Variants in RABGAP1L observed in about 807,000 individuals in gnomAD.
RABGAP1L encodes rab GTPase-activating protein 1-like.
In RABGAP1L, 63 loss-of-function variants were observed where a neutral mutation model predicts 137.7. The observed-to-expected ratio is 0.46, with a 90% CI of 0.37 to 0.56. The LOEUF (loss-of-function observed/expected upper bound fraction) is 0.56, where lower values mean the gene tolerates loss of function less well. RABGAP1L is among the 20% of genes least tolerant of loss of function. The pLI, the probability that RABGAP1L is intolerant of heterozygous loss-of-function variation, is 0.00. For synonymous variants in RABGAP1L, 431 were observed against 433.7 expected (o/e 0.99, Z 0.08); for missense variants, 1,095 against 1,244.0 (o/e 0.88, Z 1.80).
intron 13 of RABGAP1L, among the ~76,000 whole-genome samples, chr1:174,435,335 A>G (rs1653134591): frequency 6.6e-6 from 1 of 152,190 alleles, no homozygotes; most frequent in African/African-American, 2.4e-5. Context: ...TCTATCCTTA[A>G]GTTATGAAGA....
At chr1:174,700,802 G>C (rs1410525559) in intron 16 of RABGAP1L, 1 of 203,208 alleles carries the variant, frequency 4.9e-6, no homozygotes, top group African/African-American at 2.4e-5. Context: ...ATTCTACCAA[G>C]TAAATATTTG....
At position 174,509,198 on chromosome 1, in the gene RABGAP1L, C is replaced by G. The variant is rs571409414; in HGVS notation, c.1710+115053C>G. Among the ~76,000 whole-genome samples, 3 of 152,204 alleles carry G rather than the reference C, an allele frequency of 2.0e-5. No individual in the cohort carries two copies. The East Asian group carries it at 5.8e-4, about 29-fold the overall frequency. On this transcript the variant is annotated intron_variant, in intron 13 of 25. Transcript: ENST00000681986. Reference sequence around the variant, plus strand: ...TCATTTAAGTTCAATGCCGTACATTCAAATAAAATCTGTGTAATCAAACTA... The same window carrying G: ...TCATTTAAGTTCAATGCCGTACATTGAAATAAAATCTGTGTAATCAAACTA...
rs1655119000 is a variant in RABGAP1L at position 174,448,971 on chromosome 1, T to C, written c.1710+54826T>C. On this transcript the variant is annotated intron_variant, in intron 13 of 25. Coordinates refer to ENST00000681986, the MANE Select transcript of RABGAP1L (RefSeq NM_001366446.1). The surrounding 1 kb of genome is among the most constrained non-coding windows in gnomAD (Gnocchi z 4.2). The stretch of plus-strand genomic sequence containing the variant: ...CTCCCCTATATAATTTACTTTCTTC[T>C]AGAAAGCTCCCGGGTCTTGGACAAT... The C allele has an allele frequency of 6.2e-7, 1 of 1,613,686 alleles. No homozygotes were observed.
chr1:174,193,477 A>G (rs1410417259), intron 1 of RABGAP1L, among the ~76,000 whole-genome samples: 1 of 152,064 alleles, frequency 6.6e-6, no homozygotes, highest in Admixed American at 6.6e-5. Context: ...GGTTGCAGTG[A>G]GTCGAGATCT....
At chr1:174,421,668 G>T (rs1272396077) in intron 13 of RABGAP1L, among the ~76,000 whole-genome samples, 1 of 152,190 alleles carries the variant, frequency 6.6e-6, no homozygotes, top group Non-Finnish European at 1.5e-5. Context: ...GGACTACTGA[G>T]TTGACAGTTT....
At chr1:174,579,495 C>T (rs972719293) in intron 13 of RABGAP1L, among the ~76,000 whole-genome samples, 4 of 152,122 alleles carry the variant, frequency 2.6e-5, no homozygotes, top group Non-Finnish European at 4.4e-5. Context: ...ACTGAACACA[C>T]GTGCTGTGGA....
intron 21 of RABGAP1L, among the ~76,000 whole-genome samples, chr1:174,975,124 A>T (rs1249193846): frequency 6.6e-6 from 1 of 152,208 alleles, no homozygotes; most frequent in Non-Finnish European, 1.5e-5. Flanking sequence ...GTACTTAGGG[A>T]GCACCTATTC....
chr1:174,620,269 C>G (rs990135833), intron 13 of RABGAP1L, among the ~76,000 whole-genome samples: 2 of 152,194 alleles, frequency 1.3e-5, no homozygotes, highest in Admixed American at 1.3e-4. Flanking sequence ...GAACTCAGCT[C>G]TGCACCAAGC....
intron 19 of RABGAP1L, among the ~76,000 whole-genome samples, chr1:174,907,630 T>C (rs1182415453): frequency 2.0e-5 from 3 of 152,156 alleles, no homozygotes; most frequent in Non-Finnish European, 4.4e-5. Flanking sequence ...GTTGTCATCT[T>C]TTAAAAATAA....
At chr1:174,712,870 T>C (rs1309030516) in intron 17 of RABGAP1L, among the ~76,000 whole-genome samples, 3 of 152,182 alleles carry the variant, frequency 2.0e-5, no homozygotes, top group African/African-American at 4.8e-5. Flanking sequence ...GCTGGTGTGC[T>C]CTTCTGCTGG....
intron 13 of RABGAP1L, among the ~76,000 whole-genome samples, chr1:174,600,890 C>A (rs1296641634): frequency 6.6e-6 from 1 of 152,224 alleles, no homozygotes; most frequent in Non-Finnish European, 1.5e-5. Context: ...GTGGGCACTG[C>A]CTGTGTTGGG....
intron 17 of RABGAP1L, among the ~76,000 whole-genome samples, chr1:174,711,380 G>A (rs570876919): frequency 5.2e-4 from 79 of 152,228 alleles, no homozygotes; most frequent in African/African-American, 1.8e-3. Flanking sequence ...CTGCCGGCAC[G>A]CTGTCACCTC....
intron 14 of RABGAP1L, among the ~76,000 whole-genome samples, chr1:174,637,918 C>T (rs993170729): frequency 3.3e-5 from 5 of 152,158 alleles, no homozygotes; most frequent in Admixed American, 6.5e-5. Flanking sequence ...TTCTGAGTTA[C>T]GTCACATCAT....
intron 11 of RABGAP1L, among the ~76,000 whole-genome samples, chr1:174,315,170 G>A (rs552894893): frequency 4.6e-4 from 70 of 152,232 alleles, no homozygotes; most frequent in African/African-American, 1.6e-3. Flanking sequence ...ATGTTCCAGT[G>A]TTGAGGGCAG....
At chr1:174,299,005 A>G (rs1424336614) in intron 10 of RABGAP1L, among the ~76,000 whole-genome samples, 1 of 152,256 alleles carries the variant, frequency 6.6e-6, no homozygotes, top group African/African-American at 2.4e-5. Context: ...ATTTAATGGC[A>G]AATATAAGTT....
At chr1:174,321,082 G>A (rs1679926726) in intron 11 of RABGAP1L, among the ~76,000 whole-genome samples, 1 of 152,112 alleles carries the variant, frequency 6.6e-6, no homozygotes, top group South Asian at 2.1e-4. Context: ...GGCTGCTCTA[G>A]GAATGTCTGA....
At chr1:174,280,365 TAAAG>T (rs542496516) in intron 10 of RABGAP1L, among the ~76,000 whole-genome samples, 1 of 152,116 alleles carries the variant, frequency 6.6e-6, no homozygotes, top group Non-Finnish European at 1.5e-5. Flanking sequence ...TTTAAAGAAA[TAAAG>T]AGAGAATGCA....
chr1:174,612,322 T>A (rs930042610), intron 13 of RABGAP1L, among the ~76,000 whole-genome samples: 10 of 152,344 alleles, frequency 6.6e-5, no homozygotes, highest in African/African-American at 2.4e-4. Context: ...ATCATGTGAT[T>A]TTTATCTTTG....
intron 11 of RABGAP1L, among the ~76,000 whole-genome samples, chr1:174,370,511 A>ATTT (rs1363430423): frequency 5.8e-5 from 4 of 68,538 alleles, no homozygotes; most frequent in South Asian, 5.0e-4. Context: ...AAGAAACCTA[A>ATTT]CTTTTTTTTT....
Sources: gnomAD v4.1 joint callset for allele counts (sites outside exome capture counted in the v4.1 genomes callset) on GRCh38, gnomAD v4.1.1 for gene constraint, Gnocchi (gnomAD v3.1) non-coding constraint, MANE v1.5 for transcripts, NCBI Gene and HGNC (gene_info 2026-07-23, HGNC 2026-07-21) for gene names.